DCAF8: variants seen among roughly 807,000 people sequenced by gnomAD.
The protein encoded by DCAF8 is DDB1- and CUL4-associated factor 8.
DCAF8 carries 20 observed loss-of-function variants against 68.0 expected under a neutral mutation model. That is an observed-to-expected ratio of 0.29 (90% CI 0.21 to 0.43). The LOEUF (loss-of-function observed/expected upper bound fraction) is 0.43, where lower values mean the gene tolerates loss of function less well. Among genes scored for constraint, DCAF8 ranks in the 20% least tolerant of loss-of-function variants. DCAF8 has a pLI of 1.00. For missense variants in DCAF8, 460 were observed against 771.0 expected (o/e 0.60, Z 4.78); for synonymous variants, 230 against 276.9 (o/e 0.83, Z 1.68).
intron 2 of DCAF8, among the ~76,000 whole-genome samples, chr1:160,255,135 G>T (rs1211929700): frequency 6.6e-6 from 1 of 152,166 alleles, no homozygotes; most frequent in African/African-American, 2.4e-5. Context: ...CCAAGTCTAT[G>T]AAATCTGCTT....
At chr1:160,232,737 G>T (rs1655736984) in intron 6 of DCAF8, among the ~76,000 whole-genome samples, 1 of 152,132 alleles carries the variant, frequency 6.6e-6, no homozygotes, top group African/African-American at 2.4e-5. Flanking sequence ...AGGATTCCTT[G>T]AGTCCAGAAA....
chr1:160,240,247 T>C lies in DCAF8; in HGVS notation c.173A>G (p.Asn58Ser), dbSNP rs201644816. 3.7e-6 allele frequency: 6 copies of C among 1,614,124 alleles called. No homozygotes were observed. The highest frequency in any genetic ancestry group is 2.2e-5 in the South Asian group (2 of 91,080). The change falls in exon 4 of 14, where the codon AAC (asparagine) becomes AGC (serine). Residue 58 changes from asparagine to serine, a missense_variant. Asn to Ser is a conservative substitution (Grantham distance 46). Around this residue, in one of 8 missense-constraint regions of DCAF8, gnomAD observed 156 missense variants for 181.4 expected, o/e 0.86. Coordinates refer to ENST00000368074, the MANE Select transcript of DCAF8 (RefSeq NM_015726.4). ...LSLTGDDGGP[N>S]RTSTESRGTD... ...GCCTCGACTTTCTGTGCTGGTGCGG[T>C]TGGGGCCACCATCATCCCCAGTCAA...
chr1:160,237,273 A>C, intron 5 of DCAF8, 44 bp from the exon 6 acceptor site: 1 of 1,352,998 alleles, frequency 7.4e-7, no homozygotes, highest in Non-Finnish European at 1.0e-6. Flanking sequence ...AAATATTAGA[A>C]TTAGAGGTCA....
chr1:160,245,907 G>A (rs1049553302), intron 2 of DCAF8, among the ~76,000 whole-genome samples: 1 of 152,186 alleles, frequency 6.6e-6, no homozygotes, highest in African/African-American at 2.4e-5. Flanking sequence ...GGGAGGCCGA[G>A]GAGGGCAGAT....
At chr1:160,236,073 GC>G (rs200257711) in intron 6 of DCAF8, among the ~76,000 whole-genome samples, 2,259 of 152,182 alleles carry the variant, frequency 0.015, 58 homozygotes, top group African/African-American at 0.045. Context: ...AAATGGTGGG[GC>G]GGGGGTGACT....
intron 2 of DCAF8, among the ~76,000 whole-genome samples, chr1:160,249,985 G>A (rs1656510114): frequency 6.6e-6 from 1 of 152,188 alleles, no homozygotes; most frequent in Admixed American, 6.5e-5. Context: ...AGGGCTTGGA[G>A]GTAGGGGAAT....
chr1:160,252,905 C>A (rs952522788), intron 2 of DCAF8, among the ~76,000 whole-genome samples: 1 of 152,020 alleles, frequency 6.6e-6, no homozygotes, highest in Non-Finnish European at 1.5e-5. Flanking sequence ...ATTTAAAATC[C>A]AAGCCGACAT....
chr1:160,246,846 C>T (rs1656360144), intron 2 of DCAF8, among the ~76,000 whole-genome samples: 1 of 152,146 alleles, frequency 6.6e-6, no homozygotes, highest in African/African-American at 2.4e-5. Context: ...GTCCCAGCTA[C>T]TTGGGGTAGG....
At position 160,222,837 on chromosome 1, in the gene DCAF8, C is replaced by T. The variant is rs56000332; in HGVS notation, c.1310-56G>A. 7,053 of 1,603,310 alleles carry T rather than the reference C, an allele frequency of 4.4e-3. 141 individuals are homozygous for T. In the African/African-American group the frequency reaches 0.048, roughly 11 times the overall value. ...TGAGGGTTGGCATCAGGCCTATATA[C>T]ATTCATCTCAAAGGGAATTTAGTTA... On this transcript the variant is annotated intron_variant, in intron 10 of 13. Coordinates refer to ENST00000368074, the MANE Select transcript of DCAF8 (RefSeq NM_015726.4).
chr1:160,239,296 T>A, intron 4 of DCAF8: 1 of 1,137,434 alleles, frequency 8.8e-7, no homozygotes, highest in Non-Finnish European at 1.1e-6. Flanking sequence ...TTAATCCTCA[T>A]AACCCTATGT....
intron 2 of DCAF8, among the ~76,000 whole-genome samples, chr1:160,248,820 G>C (rs968245443): frequency 1.3e-5 from 2 of 151,958 alleles, no homozygotes; most frequent in Admixed American, 6.6e-5. Flanking sequence ...CTTAAGTCTA[G>C]GAGTTCAAGG....
chr1:160,239,329 T>G lies in DCAF8; in HGVS notation c.723+368A>C. 3 of 1,236,874 alleles carry G rather than the reference T, an allele frequency of 2.4e-6. 1 individual carries two copies. The highest frequency in any genetic ancestry group is 1.5e-5 in the African/African-American group (1 of 66,046). 76.6% of individuals were successfully genotyped at this position (1,236,874 alleles called of 1,614,324 possible). ...TGTGTTATTAGTCCCATTTTACAGA[T>G]AAACTGAAGACAAAGGTAAAATAAC... On this transcript the variant is annotated intron_variant, in intron 4 of 13. Coordinates refer to ENST00000368074, the MANE Select transcript of DCAF8 (RefSeq NM_015726.4).
At chr1:160,260,704 G>A (rs1460067510) in intron 2 of DCAF8, among the ~76,000 whole-genome samples, 1 of 150,768 alleles carries the variant, frequency 6.6e-6, no homozygotes, top group Non-Finnish European at 1.5e-5. Context: ...ACAAAAGAAA[G>A]AGCAGCCACT....
At chr1:160,254,986 C>A (rs1049479396) in intron 2 of DCAF8, among the ~76,000 whole-genome samples, 1 of 152,128 alleles carries the variant, frequency 6.6e-6, no homozygotes, top group African/African-American at 2.4e-5. Flanking sequence ...TGCTAAGAGC[C>A]TGTTTGTACA....
chr1:160,257,806 A>G (rs1656898951), intron 2 of DCAF8, among the ~76,000 whole-genome samples: 2 of 152,110 alleles, frequency 1.3e-5, no homozygotes, highest in African/African-American at 4.8e-5. Flanking sequence ...TCACTGCGCA[A>G]TCTCAGCTCT....
chr1:160,230,633 T>C lies in DCAF8; in HGVS notation c.1070+664A>G, dbSNP rs16831651. Among the ~76,000 whole-genome samples the C allele has an allele frequency of 0.014, 2,104 of 152,342 alleles. 102 individuals are homozygous for C. In the East Asian group the frequency reaches 0.19, roughly 13 times the overall value. On this transcript the variant is annotated intron_variant, in intron 7 of 13. Transcript: ENST00000368074. ...GAATTGAAAACCAGTATTTAAAATT[T>C]CTAGTGCACGTTTATTTACATACGA...
chr1:160,219,627 C>T (rs1655233040), intron 11 of DCAF8: 1 of 152,300 alleles, frequency 6.6e-6, no homozygotes, highest in Non-Finnish European at 1.5e-5. Context: ...ACATTAAAAC[C>T]AAGCAGCTTC....
chr1:160,239,672 T>G, intron 4 of DCAF8, 25 bp downstream of exon 4: 1 of 1,614,240 alleles, frequency 6.2e-7, no homozygotes, highest in Non-Finnish European at 8.5e-7. Context: ...ATTCTCTCAG[T>G]TGCTATTATG....
At chr1:160,229,525 A>T (rs1201789901) in intron 7 of DCAF8, among the ~76,000 whole-genome samples, 1 of 152,220 alleles carries the variant, frequency 6.6e-6, no homozygotes, top group Non-Finnish European at 1.5e-5. Flanking sequence ...ACAGTTCTCA[A>T]TACAGCAAAC....
Sources: allele counts gnomAD v4.1 joint callset (sites outside exome capture counted in the v4.1 genomes callset), GRCh38; gene constraint gnomAD v4.1.1; regional missense constraint gnomAD v4.1.1; transcripts MANE v1.5; gene names NCBI Gene and HGNC (gene_info 2026-07-23, HGNC 2026-07-21).